Variants in SV2C observed in about 807,000 individuals in gnomAD.
SV2C encodes synaptic vesicle glycoprotein 2C.
In SV2C, 49 loss-of-function variants were observed where a neutral mutation model predicts 79.7. That is an observed-to-expected ratio of 0.61 (90% CI 0.49 to 0.78). The LOEUF (loss-of-function observed/expected upper bound fraction) is 0.78, where lower values mean the gene tolerates loss of function less well. Ranked by LOEUF, SV2C falls within the 30% of genes least tolerant of loss-of-function variation. The probability of loss-of-function intolerance (pLI) is 0.00; values close to 1 mark genes in which losing one functional copy is unlikely to be tolerated. For missense variants in SV2C, 833 were observed against 912.9 expected, an observed-to-expected ratio of 0.91 and a Z score of 1.13; for synonymous variants, 334 against 333.2, an observed-to-expected ratio of 1.00 and a Z score of -0.03.
At chr5:76,249,452 G>A (rs922249838) in intron 4 of SV2C, among the ~76,000 whole-genome samples, 1 of 152,164 alleles carries the variant, frequency 6.6e-6, no homozygotes, top group Non-Finnish European at 1.5e-5. Context: ...GCATGATGCA[G>A]TCCCATTATC....
rs1748974717 is a variant in SV2C at position 76,325,694 on chromosome 5, A to G, written c.*147A>G. 9.7e-6 allele frequency: 11 copies of G among 1,136,300 alleles called. No homozygotes were observed. The highest frequency in any genetic ancestry group is 1.3e-5 in the Non-Finnish European group (11 of 824,686). The allele number at this position is 1,136,300 out of a possible 1,614,324, so 70.4% of individuals were successfully genotyped here. On this transcript the variant is annotated 3_prime_UTR_variant, in exon 13 of 13. Coordinates refer to ENST00000502798, the MANE Select transcript of SV2C (RefSeq NM_014979.4). ...GTGCTGTGACTTAAAATTTAGAAGC[A>G]TATCATCTTGCCCCTTTGTGATTTT...
chr5:76,171,956 TG>T (rs1743291226), intron 2 of SV2C, among the ~76,000 whole-genome samples: 1 of 86,718 alleles, frequency 1.2e-5, no homozygotes, highest in Non-Finnish European at 2.4e-5. Flanking sequence ...GCCCCCCGCC[TG>T]GCCAGCCGCC....
At chr5:75,969,812 A>T in the SV2C span, among the ~76,000 whole-genome samples, 4 of 152,126 alleles carry the variant, frequency 2.6e-5, no homozygotes, top group Non-Finnish European at 5.9e-5. Context: ...TCAGCTCTGC[A>T]CCAAGCAGAC....
In SV2C at chr5:76,326,475, T is replaced by C. The variant is rs893963092; in HGVS notation, c.*928T>C. On this transcript the variant is annotated 3_prime_UTR_variant, in exon 13 of 13. Transcript: ENST00000502798. ...TAGAGATTGCCAGTGGATAGCTAAA[T>C]TGTAAATTGCAAATTAGGAAGAAAT... is the stretch of plus-strand genomic sequence containing the variant. The C allele has an allele frequency of 6.6e-6, 1 of 152,214 alleles. No homozygotes were observed. The highest frequency in any genetic ancestry group is 2.4e-5 in the African/African-American group (1 of 41,462). The allele number at this position is 152,214 out of a possible 1,614,324, so 9.4% of individuals were successfully genotyped here.
the SV2C span, among the ~76,000 whole-genome samples, chr5:75,893,761 A>G: frequency 6.6e-6 from 1 of 152,268 alleles, no homozygotes; most frequent in Admixed American, 6.5e-5. Context: ...TTGAAATTAT[A>G]GAAAAAAACC....
chr5:76,245,152 A>G (rs1447614891), intron 4 of SV2C, among the ~76,000 whole-genome samples: 2 of 152,094 alleles, frequency 1.3e-5, no homozygotes, highest in Non-Finnish European at 2.9e-5. Flanking sequence ...TGCTCTCTAT[A>G]TATTTATATT....
chr5:75,873,983 A>G, the SV2C span, among the ~76,000 whole-genome samples: 1 of 152,126 alleles, frequency 6.6e-6, no homozygotes, highest in Non-Finnish European at 1.5e-5. Flanking sequence ...CATACAAAGA[A>G]GGGTTGGTAC....
At chr5:76,184,840 C>A (rs555604688) in intron 2 of SV2C, among the ~76,000 whole-genome samples, 67 of 152,328 alleles carry the variant, frequency 4.4e-4, no homozygotes, top group African/African-American at 1.6e-3. Context: ...ATCTCATGTC[C>A]TCACATTTCA....
chr5:76,131,398 A>G (rs1169229031), intron 1 of SV2C, among the ~76,000 whole-genome samples: 2 of 151,990 alleles, frequency 1.3e-5, no homozygotes, highest in African/African-American at 4.8e-5. Flanking sequence ...TACCCTGGGG[A>G]TAGAATTCCT....
Position 76,328,309 on chromosome 5 carries a change from A to G in SV2C, c.*2762A>G, listed in dbSNP as rs1241891728. 2 of 152,226 alleles carry G rather than the reference A, an allele frequency of 1.3e-5. No homozygotes were observed. Among genetic ancestry groups the G allele is most frequent in the Non-Finnish European group, 2.9e-5 (2 of 68,040 alleles). The allele number at this position is 152,226 out of a possible 1,614,324, so 9.4% of individuals were successfully genotyped here. A position where few individuals can be genotyped will look rare whatever the true frequency, so the allele number is the denominator to read the frequency against. The stretch of plus-strand genomic sequence containing the variant: ...AAAATGAAAACCTAGGAAATAGTCC[A>G]CTTGCTCCTATATTTTTACCACCTT... On this transcript the variant is annotated 3_prime_UTR_variant, in exon 13 of 13. Coordinates refer to ENST00000502798, the MANE Select transcript of SV2C (RefSeq NM_014979.4).
At chr5:76,044,522 C>A in the SV2C span, among the ~76,000 whole-genome samples, 47 of 152,272 alleles carry the variant, frequency 3.1e-4, 1 homozygote, top group South Asian at 9.6e-3. Flanking sequence ...TTTATATTCC[C>A]ACCAATAGTG....
chr5:76,077,741 G>T, the SV2C span, among the ~76,000 whole-genome samples: 1 of 152,154 alleles, frequency 6.6e-6, no homozygotes, highest in Non-Finnish European at 1.5e-5. Context: ...AATGAGTTTT[G>T]GAGTCAGAGG....
chr5:76,207,900 A>G (rs1744653606), intron 3 of SV2C, among the ~76,000 whole-genome samples: 1 of 152,268 alleles, frequency 6.6e-6, no homozygotes, highest in Non-Finnish European at 1.5e-5. Context: ...GAGCTCCTCA[A>G]GAAGCCCAGG....
chr5:76,073,503 G>GTATGTATATATATATATA, the SV2C span, among the ~76,000 whole-genome samples: 1 of 67,412 alleles, frequency 1.5e-5, no homozygotes, highest in African/African-American at 6.6e-5. Context: ...GTATGTGTGT[G>GTATGTATATATATATATA]TATATATATA....
chr5:76,048,947 AAGAG>A, the SV2C span, among the ~76,000 whole-genome samples: 582 of 109,884 alleles, frequency 5.3e-3, 16 homozygotes, highest in African/African-American at 0.019. Context: ...GAAAGAAAGA[AAGAG>A]AGAGAAAGAA....
chr5:76,131,667 A>G lies in SV2C; in HGVS notation c.-84A>G. Reference sequence around the variant, plus strand: ...TTTCGCAGTTCTGTTTTGAACCCAAAGTGGATGATGCTGTCAGAGCTGAAC... The same window carrying G: ...TTTCGCAGTTCTGTTTTGAACCCAAGGTGGATGATGCTGTCAGAGCTGAAC... On this transcript the variant is annotated 5_prime_UTR_variant, in exon 2 of 13. Transcript: ENST00000502798. 1 of 1,164,710 alleles carries G rather than the reference A, an allele frequency of 8.6e-7. No individual in the cohort carries two copies. The highest frequency in any genetic ancestry group is 1.2e-6 in the Non-Finnish European group (1 of 831,096). The allele number at this position is 1,164,710 out of a possible 1,614,324, so 72.1% of individuals were successfully genotyped here.
At chr5:76,059,176 C>T in the SV2C span, among the ~76,000 whole-genome samples, 2 of 152,072 alleles carry the variant, frequency 1.3e-5, no homozygotes, top group Middle Eastern at 3.2e-3. Flanking sequence ...GGTTTTGTCT[C>T]AATGTTGATG....
intron 1 of SV2C, among the ~76,000 whole-genome samples, chr5:76,126,963 A>G (rs140147175): frequency 6.4e-4 from 98 of 152,340 alleles, no homozygotes; most frequent in African/African-American, 2.3e-3. Context: ...GTGATAATGC[A>G]TCTGAAGTGC....
chr5:76,260,402 C>T lies in SV2C; in HGVS notation c.914-24760C>T, dbSNP rs145453850. On this transcript the variant is annotated intron_variant, in intron 4 of 12. Transcript: ENST00000502798. ...TCCCGTTCTGTAGGTTGCCTGTTCA[C>T]GCTGATGATAGTTTATTTTATTAAG... Among the ~76,000 whole-genome samples the T allele has an allele frequency of 5.5e-3, 830 of 152,196 alleles. 5 individuals are homozygous for T. Among genetic ancestry groups the T allele is most frequent in the Non-Finnish European group, 9.1e-3 (618 of 67,998 alleles).
Sources: allele counts gnomAD v4.1 joint callset (sites outside exome capture counted in the v4.1 genomes callset), GRCh38; gene constraint gnomAD v4.1.1; transcripts MANE v1.5; gene names NCBI Gene and HGNC (gene_info 2026-07-23, HGNC 2026-07-21).